Variants in TYW1B observed in about 807,000 individuals in gnomAD.
TYW1B encodes the protein S-adenosyl-L-methionine-dependent tRNA 4-demethylwyosine synthase TYW1B.
Under a neutral mutation model 86.9 loss-of-function variants are expected in TYW1B, and 73 were observed. The observed-to-expected ratio is 0.84, with a 90% confidence interval of 0.70 to 1.02. The LOEUF is 1.02. Ranked by LOEUF, TYW1B falls within the 50% of genes least tolerant of loss-of-function variation. The pLI is 0.00. For missense variants in TYW1B, 637 were observed against 827.4 expected, an observed-to-expected ratio of 0.77 and a Z score of 2.82; for synonymous variants, 248 against 292.8, an observed-to-expected ratio of 0.85 and a Z score of 1.56.
intron 5 of TYW1B, 61 bp from the exon 6 acceptor site, chr7:72,802,583 C>T (rs1417929862): frequency 5.7e-5 from 91 of 1,597,952 alleles, no homozygotes; most frequent in Non-Finnish European, 7.1e-5. Context: ...GTTCTCTCAC[C>T]CTCCCTCCCA....
chr7:72,757,737 A>G (rs189098629), intron 7 of TYW1B, among the ~76,000 whole-genome samples: 24 of 152,324 alleles, frequency 1.6e-4, no homozygotes, highest in East Asian at 1.5e-3. Context: ...TGTATGCCTG[A>G]TAACAAAAAA....
intron 11 of TYW1B, among the ~76,000 whole-genome samples, chr7:72,676,060 A>C (rs1440991282): frequency 6.6e-6 from 1 of 152,162 alleles, no homozygotes; most frequent in African/African-American, 2.4e-5. Flanking sequence ...GTTATGGTTA[A>C]CAAACTGAAG....
intron 11 of TYW1B, among the ~76,000 whole-genome samples, chr7:72,633,965 G>GAAATTTGCAAGTGAA (rs1554440366): frequency 1.3e-5 from 2 of 152,126 alleles, no homozygotes; most frequent in African/African-American, 4.8e-5. Context: ...TGAATTCGAT[G>GAAATTTGCAAGTGAA]TTTGCAAGAT....
At chr7:72,789,220 G>A (rs1257080234) in intron 6 of TYW1B, among the ~76,000 whole-genome samples, 1 of 151,860 alleles carries the variant, frequency 6.6e-6, no homozygotes. Flanking sequence ...TGCAACCTCC[G>A]CCTCCCGAGT....
rs181314833 is a variant in TYW1B at position 72,737,237 on chromosome 7, A to G, written c.1082+7247T>C. Among the ~76,000 whole-genome samples the G allele has an allele frequency of 2.0e-3, 310 of 152,352 alleles. 1 individual carries two copies. Among genetic ancestry groups the G allele is most frequent in the Non-Finnish European group, 4.6e-4 (31 of 68,028 alleles). On this transcript the variant is annotated intron_variant, in intron 8 of 13. Transcript: ENST00000620995. ...CAATTTTCAATGAACCTTTTCTGAC[A>G]TTCTTGTTATATATTTAATGGAAAC...
chr7:72,792,269 G>A (rs1489613715), intron 6 of TYW1B, among the ~76,000 whole-genome samples: 5 of 151,196 alleles, frequency 3.3e-5, no homozygotes, highest in African/African-American at 9.8e-5. Flanking sequence ...GGAAGTTGCA[G>A]TGGGCCGAGA....
At chr7:72,716,159 G>A (rs1394460606) in intron 9 of TYW1B, among the ~76,000 whole-genome samples, 12 of 152,278 alleles carry the variant, frequency 7.9e-5, no homozygotes, top group South Asian at 2.1e-4. Context: ...GGATGGTCTC[G>A]ATCTCCTGAC....
chr7:72,815,179 A>T (rs1554479172), intron 3 of TYW1B, among the ~76,000 whole-genome samples: 1 of 151,996 alleles, frequency 6.6e-6, no homozygotes, highest in Non-Finnish European at 1.5e-5. Context: ...CCTGAAGAAC[A>T]AGCCCCACAC....
chr7:72,669,848 G>A (rs1554446010), intron 11 of TYW1B, among the ~76,000 whole-genome samples: 2 of 151,978 alleles, frequency 1.3e-5, no homozygotes, highest in Non-Finnish European at 2.9e-5. Flanking sequence ...TAATCCCAGT[G>A]CCTTGGGAGG....
At chr7:72,727,144 T>C (rs1787014456) in intron 9 of TYW1B, among the ~76,000 whole-genome samples, 1 of 152,132 alleles carries the variant, frequency 6.6e-6, no homozygotes. Context: ...TATCAAGTGG[T>C]AAGGAGTATT....
At chr7:72,694,916 C>T in intron 10 of TYW1B, 94 bp from the exon 11 acceptor site, 1 of 1,408,466 alleles carries the variant, frequency 7.1e-7, no homozygotes, top group South Asian at 1.5e-5. Flanking sequence ...GGGTATTAAA[C>T]ACTTCACAGG....
At position 72,611,534 on chromosome 7, in the gene TYW1B, T is replaced by C. The variant is rs549957291; in HGVS notation, c.1785+5138A>G. On this transcript the variant is annotated intron_variant, in intron 13 of 13. Coordinates refer to ENST00000620995, the MANE Select transcript of TYW1B (RefSeq NM_001145440.3). ...CTCTTTTCTCTCGTCTGCCACCATG[T>C]AAGACGTGCCTTCTACCATTATTGT... Among the ~76,000 whole-genome samples the C allele has an allele frequency of 3.0e-3, 450 of 152,262 alleles. 1 individual carries two copies. Among genetic ancestry groups the C allele is most frequent in the African/African-American group, 0.011 (440 of 41,554 alleles).
At position 72,750,054 on chromosome 7, in the gene TYW1B, G is replaced by C. The variant is rs59347402; in HGVS notation, c.965-5453C>G. Among the ~76,000 whole-genome samples, 30 of 151,124 alleles carry C rather than the reference G, an allele frequency of 2.0e-4. 1 individual carries two copies. The East Asian group carries it at 3.5e-3, about 18-fold the overall frequency. On this transcript the variant is annotated intron_variant, in intron 7 of 13. Transcript: ENST00000620995. ...CAAGACACGTGTCTGAACACCTGGT[G>C]GGGGGGTGGGTATGTGTATAATTTT...
chr7:72,822,248 G>A (rs1788843302), intron 2 of TYW1B, among the ~76,000 whole-genome samples: 1 of 149,046 alleles, frequency 6.7e-6, no homozygotes, highest in Non-Finnish European at 1.5e-5. Context: ...AAAGATCTGA[G>A]ACACAGAAGA....
intron 7 of TYW1B, among the ~76,000 whole-genome samples, chr7:72,764,097 G>GGT (rs71517366): frequency 0.69 from 104,193 of 151,848 alleles, 36,663 homozygotes; most frequent in Non-Finnish European, 0.77. Flanking sequence ...CTATGATCCT[G>GGT]GTTGTTATCT....
chr7:72,664,429 C>T (rs1245472779), intron 11 of TYW1B, among the ~76,000 whole-genome samples: 1 of 152,086 alleles, frequency 6.6e-6, no homozygotes, highest in Non-Finnish European at 1.5e-5. Flanking sequence ...AAGCAAAGTA[C>T]CTTGCAGACA....
chr7:72,826,341 C>G (rs1425732251), intron 2 of TYW1B, among the ~76,000 whole-genome samples: 3 of 152,194 alleles, frequency 2.0e-5, no homozygotes, highest in Non-Finnish European at 4.4e-5. Flanking sequence ...TTCTCTTAAT[C>G]TGACACACCT....
chr7:72,593,862 T>C (rs1250260405), intron 13 of TYW1B, among the ~76,000 whole-genome samples: 6 of 107,708 alleles, frequency 5.6e-5, no homozygotes, highest in Admixed American at 9.1e-5. Context: ...AATAGATGAA[T>C]GAAACTAAAA....
intron 12 of TYW1B, among the ~76,000 whole-genome samples, chr7:72,627,130 AC>A (rs1445676051): frequency 6.6e-6 from 1 of 152,012 alleles, no homozygotes; most frequent in Non-Finnish European, 1.5e-5. Flanking sequence ...GTTTCTGCTT[AC>A]CATTTACGTA....
Sources: gnomAD v4.1 joint callset for allele counts (sites outside exome capture counted in the v4.1 genomes callset) on GRCh38, gnomAD v4.1.1 for gene constraint, MANE v1.5 for transcripts, NCBI Gene and HGNC (gene_info 2026-07-23, HGNC 2026-07-21) for gene names.